The following CELF4 variants were observed in gnomAD, a reference collection of about 807,000 sequenced individuals.
The protein encoded by CELF4 is CUG-BP- and ETR-3-like factor 4.
Under a neutral mutation model 59.9 loss-of-function variants are expected in CELF4, and 18 were observed. The ratio of observed to expected loss-of-function variants is 0.30; its 90% CI spans 0.21 to 0.45. The LOEUF (loss-of-function observed/expected upper bound fraction) is 0.45. Among genes scored for constraint, CELF4 ranks in the 20% least tolerant of loss-of-function variants. The probability of loss-of-function intolerance (pLI) is 1.00; values close to 1 mark genes in which losing one functional copy is unlikely to be tolerated. For synonymous variants in CELF4, 261 were observed against 267.1 expected, an observed-to-expected ratio of 0.98 and a Z score of 0.22; for missense variants, 456 against 689.0, an observed-to-expected ratio of 0.66 and a Z score of 3.79.
chr18:37,427,455 C>T lies in CELF4; in HGVS notation c.369+58070G>A, dbSNP rs2154596437. Among the ~76,000 whole-genome samples, 2 of 152,188 alleles carry T rather than the reference C, an allele frequency of 1.3e-5. 1 individual carries two copies. The highest frequency in any genetic ancestry group is 6.8e-3 in the Middle Eastern group (2 of 294). On this transcript the variant is annotated intron_variant, in intron 2 of 12. Coordinates refer to ENST00000420428, the MANE Select transcript of CELF4 (RefSeq NM_020180.4). ...GACCTTTTCTGGATCTGTTGATGTC[C>T]ACAGTTGGGTCCTTTCGGGGAACTG... is the stretch of plus-strand genomic sequence containing the variant.
At chr18:37,489,381 T>G (rs533412918) in intron 1 of CELF4, among the ~76,000 whole-genome samples, 1 of 151,420 alleles carries the variant, frequency 6.6e-6, no homozygotes, top group Admixed American at 6.6e-5. Flanking sequence ...CATCACAGGG[T>G]GCTGTGGATG....
chr18:37,445,021 C>A (rs914478659), intron 2 of CELF4, among the ~76,000 whole-genome samples: 1 of 152,058 alleles, frequency 6.6e-6, no homozygotes, highest in Admixed American at 6.5e-5. Context: ...TGGGGCTGCT[C>A]GGAAAGGAGG....
chr18:37,558,236 C>G (rs961409782), intron 1 of CELF4, among the ~76,000 whole-genome samples: 1 of 152,088 alleles, frequency 6.6e-6, no homozygotes, highest in East Asian at 1.9e-4. Context: ...TGGCTTCCTT[C>G]TTTGTTCCTG....
intron 3 of CELF4, among the ~76,000 whole-genome samples, chr18:37,310,605 C>T (rs1031558853): frequency 6.6e-6 from 1 of 152,230 alleles, no homozygotes; most frequent in African/African-American, 2.4e-5. Flanking sequence ...GCTACCACTT[C>T]TGATCTCTCT....
chr18:37,321,774 G>C (rs2097131013), intron 3 of CELF4, 29 bp downstream of exon 3: 1 of 1,523,378 alleles, frequency 6.6e-7, no homozygotes, highest in African/African-American at 1.4e-5. Context: ...GAGGGGGAGG[G>C]GGAGGGGCAG....
chr18:37,331,720 A>G (rs951015169), intron 2 of CELF4, among the ~76,000 whole-genome samples: 25 of 138,394 alleles, frequency 1.8e-4, no homozygotes, highest in Admixed American at 6.6e-4. Context: ...GAATCAGGTG[A>G]GCAAATTCAT....
intron 2 of CELF4, among the ~76,000 whole-genome samples, chr18:37,472,636 G>A (rs149291040): frequency 9.8e-5 from 15 of 152,370 alleles, no homozygotes; most frequent in African/African-American, 3.6e-4. Context: ...GCACAGAGAA[G>A]TTAAGTGATT....
chr18:37,470,879 T>TGACA (rs1569569553), intron 2 of CELF4, among the ~76,000 whole-genome samples: 2 of 85,100 alleles, frequency 2.4e-5, no homozygotes, highest in African/African-American at 4.4e-5. Flanking sequence ...TGTGTGTGTG[T>TGACA]GTGTGTGTGA....
chr18:37,418,840 G>A (rs942703999), intron 2 of CELF4, among the ~76,000 whole-genome samples: 5 of 152,296 alleles, frequency 3.3e-5, no homozygotes, highest in African/African-American at 1.2e-4. Context: ...CACTGAATGG[G>A]TGCCTGCTCT....
rs538182793 is a variant in CELF4 at position 37,314,747 on chromosome 18, A to T, written c.448+7056T>A. ...CAGCTTGTGGGGGGAACAACAGGAC[A>T]TTCTCACGGCCAGCTCAGCCCTGCC... On this transcript the variant is annotated intron_variant, in intron 3 of 12. Coordinates refer to ENST00000420428, the MANE Select transcript of CELF4 (RefSeq NM_020180.4). 2.8e-4 allele frequency among the ~76,000 whole-genome samples: 43 copies of T among 152,184 alleles called. No homozygotes were observed. The South Asian group carries it at 8.5e-3, about 30-fold the overall frequency.
intron 2 of CELF4, among the ~76,000 whole-genome samples, chr18:37,450,750 C>T (rs551587626): frequency 1.3e-5 from 2 of 152,252 alleles, no homozygotes; most frequent in Non-Finnish European, 2.9e-5. Context: ...TGGTGCACAG[C>T]CCATCTCTTT....
chr18:37,330,196 T>G (rs2097489691), intron 2 of CELF4, among the ~76,000 whole-genome samples: 2 of 152,208 alleles, frequency 1.3e-5, no homozygotes, highest in Non-Finnish European at 2.9e-5. Flanking sequence ...TTCCCGGCGC[T>G]TAGCAAATTG....
At chr18:37,311,104 G>A (rs1192328715) in intron 3 of CELF4, among the ~76,000 whole-genome samples, 5 of 152,164 alleles carry the variant, frequency 3.3e-5, no homozygotes, top group African/African-American at 1.2e-4. Context: ...GGGCCACAGG[G>A]AATTTGTCGA....
chr18:37,335,083 C>T (rs1305752505), intron 2 of CELF4, among the ~76,000 whole-genome samples: 3 of 150,672 alleles, frequency 2.0e-5, no homozygotes, highest in South Asian at 2.1e-4. Context: ...ACCGCCAGCT[C>T]GTCCAAGTCT....
At chr18:37,350,578 T>A (rs1320659613) in intron 2 of CELF4, among the ~76,000 whole-genome samples, 4 of 152,158 alleles carry the variant, frequency 2.6e-5, no homozygotes, top group Admixed American at 2.6e-4. Context: ...TAACCTCCCC[T>A]TTCTGAAATT....
chr18:37,295,511 A>G lies in CELF4; in HGVS notation c.449-20268T>C, dbSNP rs186882425. On this transcript the variant is annotated intron_variant, in intron 3 of 12. Coordinates refer to ENST00000420428, the MANE Select transcript of CELF4 (RefSeq NM_020180.4). ...CCCAGGTCAGAGACCACTCCATGCC[A>G]AGAGGGCTCAGAGCATGCTGGAGGC... Among the ~76,000 whole-genome samples the G allele has an allele frequency of 3.9e-5, 6 of 152,336 alleles. No homozygotes were observed. The East Asian group carries it at 1.2e-3, about 29-fold the overall frequency.
chr18:37,411,919 A>G (rs977148702), intron 2 of CELF4, among the ~76,000 whole-genome samples: 1 of 152,180 alleles, frequency 6.6e-6, no homozygotes, highest in Non-Finnish European at 1.5e-5. Context: ...GCAGGAGGGT[A>G]ACTGTGCCCT....
chr18:37,400,128 A>G (rs544892605), intron 2 of CELF4, among the ~76,000 whole-genome samples: 2 of 152,156 alleles, frequency 1.3e-5, no homozygotes, highest in Non-Finnish European at 2.9e-5. Context: ...ACCTCATCCA[A>G]TCAGTTGAAA....
intron 3 of CELF4, among the ~76,000 whole-genome samples, chr18:37,314,728 G>GT (rs2096801090): frequency 6.6e-6 from 1 of 152,122 alleles, no homozygotes; most frequent in Admixed American, 6.5e-5. Context: ...CCTGCAGCTT[G>GT]TGGGGGGAAC....
Sources: gnomAD v4.1 joint callset for allele counts (sites outside exome capture counted in the v4.1 genomes callset) on GRCh38, gnomAD v4.1.1 for gene constraint, MANE v1.5 for transcripts, NCBI Gene and HGNC (gene_info 2026-07-23, HGNC 2026-07-21) for gene names.